The following NTM variants were observed in gnomAD, a reference collection of about 807,000 sequenced individuals.
NTM encodes the protein neurotrimin, also known as IgLON family member 2.
Under a neutral mutation model 42.1 loss-of-function variants are expected in NTM, and 13 were observed. The ratio of observed to expected loss-of-function variants is 0.31; its 90% confidence interval spans 0.20 to 0.49. The LOEUF is 0.49. NTM is among the 20% of genes least tolerant of loss of function. NTM has a pLI of 0.99. For missense variants in NTM, 373 were observed against 452.8 expected, an observed-to-expected ratio of 0.82 and a Z score of 1.60; for synonymous variants, 187 against 179.2, an observed-to-expected ratio of 1.04 and a Z score of -0.35.
At chr11:131,855,874 A>G (rs1409456530) in intron 1 of NTM, among the ~76,000 whole-genome samples, 2 of 152,116 alleles carry the variant, frequency 1.3e-5, no homozygotes, top group Non-Finnish European at 2.9e-5. Flanking sequence ...TCAATCCTCC[A>G]TCCTCAATAG....
At chr11:132,147,210 TGTGTGAGAGAGA>T (rs2070707392) in intron 3 of NTM, among the ~76,000 whole-genome samples, 2 of 126,246 alleles carry the variant, frequency 1.6e-5, no homozygotes, top group South Asian at 2.3e-4. Flanking sequence ...TGTGTGTGTG[TGTGTGAGAGAGA>T]GAGAGAGAGA....
At chr11:131,925,160 T>A (rs1329128172) in intron 2 of NTM, among the ~76,000 whole-genome samples, 1 of 152,204 alleles carries the variant, frequency 6.6e-6, no homozygotes, top group African/African-American at 2.4e-5. Context: ...CAAGACATGC[T>A]ATAATTGGTG....
intron 1 of NTM, among the ~76,000 whole-genome samples, chr11:131,671,975 C>G (rs958112626): frequency 6.6e-6 from 1 of 152,222 alleles, no homozygotes; most frequent in Non-Finnish European, 1.5e-5. Flanking sequence ...GTTGGCTGCC[C>G]CCTGGCTGCA....
At chr11:131,490,336 C>A (rs888771853) in intron 1 of NTM, among the ~76,000 whole-genome samples, 5 of 152,216 alleles carry the variant, frequency 3.3e-5, no homozygotes, top group Admixed American at 1.3e-4. Context: ...GTCATGACAG[C>A]ATGACACATC....
intron 1 of NTM, among the ~76,000 whole-genome samples, chr11:131,421,942 C>T (rs1226487681): frequency 6.6e-6 from 1 of 152,156 alleles, no homozygotes; most frequent in African/African-American, 2.4e-5. Flanking sequence ...TACATGCTCT[C>T]TGGAGATATT....
chr11:132,268,668 C>CTGTGTGTGTGTG (rs779978929), intron 4 of NTM, among the ~76,000 whole-genome samples: 23 of 138,696 alleles, frequency 1.7e-4, no homozygotes, highest in African/African-American at 5.4e-4. Context: ...CTCTCTCTCT[C>CTGTGTGTGTGTG]TCTGTGTGTG....
intron 2 of NTM, among the ~76,000 whole-genome samples, chr11:131,989,481 G>A (rs927920436): frequency 6.6e-5 from 10 of 152,012 alleles, no homozygotes; most frequent in African/African-American, 1.9e-4. Context: ...CTTAACTCGC[G>A]GGATCAGAAA....
At chr11:132,198,191 G>A (rs1378803164) in intron 3 of NTM, among the ~76,000 whole-genome samples, 3 of 152,128 alleles carry the variant, frequency 2.0e-5, no homozygotes, top group Non-Finnish European at 2.9e-5. Flanking sequence ...TGAAACATAT[G>A]TCTGTTTATA....
chr11:131,987,378 C>CCTATT (rs60741014), intron 2 of NTM, among the ~76,000 whole-genome samples: 22,611 of 147,760 alleles, frequency 0.15, 1,762 homozygotes, highest in East Asian at 0.29. Flanking sequence ...TCCTATTCCT[C>CCTATT]CTATTCTATT....
At chr11:132,227,092 A>C (rs2086467511) in intron 4 of NTM, among the ~76,000 whole-genome samples, 1 of 152,220 alleles carries the variant, frequency 6.6e-6, no homozygotes. Context: ...GCTATCCCAC[A>C]TGCAGCGTGA....
intron 1 of NTM, among the ~76,000 whole-genome samples, chr11:131,704,739 A>G (rs1292460556): frequency 6.6e-6 from 1 of 152,214 alleles, no homozygotes; most frequent in Non-Finnish European, 1.5e-5. Flanking sequence ...AAAATCAGGA[A>G]AATAACGCAT....
chr11:131,546,440 C>T (rs1450739862), intron 1 of NTM, among the ~76,000 whole-genome samples: 1 of 152,172 alleles, frequency 6.6e-6, no homozygotes, highest in African/African-American at 2.4e-5. Flanking sequence ...CTTTTACTTT[C>T]ACATTCTGCA....
chr11:131,929,046 C>T (rs1248505951), intron 2 of NTM, among the ~76,000 whole-genome samples: 1 of 152,258 alleles, frequency 6.6e-6, no homozygotes, highest in African/African-American at 2.4e-5. Context: ...GTGCCTAACA[C>T]CGTTCTAGAC....
intron 2 of NTM, among the ~76,000 whole-genome samples, chr11:131,932,187 C>T (rs1592971454): frequency 6.6e-6 from 1 of 152,174 alleles, no homozygotes; most frequent in Non-Finnish European, 1.5e-5. Flanking sequence ...CACAGCACTT[C>T]CCTCCTGGTG....
intron 1 of NTM, among the ~76,000 whole-genome samples, chr11:131,461,969 T>C (rs923819868): frequency 3.3e-5 from 5 of 152,322 alleles, no homozygotes; most frequent in African/African-American, 1.2e-4. Context: ...CAAAACTGCA[T>C]GCAAATTTTT....
At chr11:132,298,631 G>T (rs2094715093) in intron 4 of NTM, among the ~76,000 whole-genome samples, 1 of 151,670 alleles carries the variant, frequency 6.6e-6, no homozygotes, top group Non-Finnish European at 1.5e-5. Context: ...GAGTACAAAG[G>T]GTTCACTTTC....
chr11:131,682,676 C>A (rs73583666), intron 1 of NTM, among the ~76,000 whole-genome samples: 1 of 152,222 alleles, frequency 6.6e-6, no homozygotes, highest in East Asian at 1.9e-4. Flanking sequence ...TGTTACTGCA[C>A]CCTGAGCGCA....
chr11:131,768,338 G>A (rs1373150489), intron 1 of NTM, among the ~76,000 whole-genome samples: 5 of 151,924 alleles, frequency 3.3e-5, no homozygotes, highest in African/African-American at 4.8e-5. Context: ...AGCTGGTCTC[G>A]AACTCCCAAC....
chr11:131,554,155 T>A (rs1197251142), intron 1 of NTM, among the ~76,000 whole-genome samples: 2 of 152,242 alleles, frequency 1.3e-5, no homozygotes, highest in African/African-American at 4.8e-5. Context: ...GCTCTTTTGC[T>A]ATAATGTGTT....
Sources: allele counts gnomAD v4.1 joint callset (sites outside exome capture counted in the v4.1 genomes callset), GRCh38; gene constraint gnomAD v4.1.1; transcripts MANE v1.5; gene names NCBI Gene and HGNC (gene_info 2026-07-23, HGNC 2026-07-21).